The following LRRTM4 variants were observed in gnomAD, a reference collection of about 807,000 sequenced individuals.
The protein encoded by LRRTM4 is leucine-rich repeat transmembrane neuronal protein 4.
A neutral mutation model predicts 47.6 loss-of-function variants in LRRTM4; 25 were observed. The observed-to-expected ratio is 0.53, with a 90% confidence interval of 0.38 to 0.73. The LOEUF (loss-of-function observed/expected upper bound fraction) is 0.73. Ranked by LOEUF, LRRTM4 falls within the 30% of genes least tolerant of loss-of-function variation. The pLI, the probability that LRRTM4 is intolerant of heterozygous loss-of-function variation, is 0.00. For synonymous variants in LRRTM4, 311 were observed against 269.5 expected (o/e 1.15, Z -1.51); for missense variants, 638 against 713.4 (o/e 0.89, Z 1.20).
intron 3 of LRRTM4, among the ~76,000 whole-genome samples, chr2:77,253,822 GA>G (rs143203795): frequency 3.2e-4 from 49 of 151,930 alleles, no homozygotes; most frequent in African/African-American, 1.1e-3. Context: ...CTGAACAACA[GA>G]AAAAAATACC....
chr2:76,784,242 C>T (rs1375829722), intron 3 of LRRTM4, among the ~76,000 whole-genome samples: 4 of 151,894 alleles, frequency 2.6e-5, no homozygotes, highest in Non-Finnish European at 5.9e-5. Flanking sequence ...ATACATTATT[C>T]AGATAAATAA....
intron 3 of LRRTM4, among the ~76,000 whole-genome samples, chr2:76,922,297 T>A (rs985052462): frequency 5.3e-5 from 8 of 151,810 alleles, no homozygotes; most frequent in African/African-American, 1.9e-4. Flanking sequence ...TTACTGAGAG[T>A]CCTCAGGAAG....
At chr2:77,251,662 G>T (rs1271698963) in intron 3 of LRRTM4, among the ~76,000 whole-genome samples, 1 of 152,078 alleles carries the variant, frequency 6.6e-6, no homozygotes, top group African/African-American at 2.4e-5. Context: ...GATGAAGAGA[G>T]GTTATATAAT....
intron 3 of LRRTM4, among the ~76,000 whole-genome samples, chr2:77,341,451 C>T (rs912133698): frequency 6.6e-6 from 1 of 151,976 alleles, no homozygotes; most frequent in Non-Finnish European, 1.5e-5. Flanking sequence ...TAAGCCTTTC[C>T]TTACCATATC....
intron 3 of LRRTM4, among the ~76,000 whole-genome samples, chr2:76,790,956 C>T (rs535490261): frequency 6.6e-6 from 1 of 152,056 alleles, no homozygotes; most frequent in Non-Finnish European, 1.5e-5. Flanking sequence ...CCATATTTCA[C>T]TTTAAACATG....
chr2:76,836,937 C>T lies in LRRTM4; in HGVS notation c.1552-88021G>A, dbSNP rs1420749436. ...TATTTTCACAAAAATTTAGTTACTA[C>T]AGTTAATCAAAATAATTTATGATAT... On this transcript the variant is annotated intron_variant, in intron 3 of 3. Transcript: ENST00000409884. 4.6e-5 allele frequency among the ~76,000 whole-genome samples: 7 copies of T among 152,184 alleles called. No homozygotes were observed. The East Asian group carries it at 1.4e-3, about 29-fold the overall frequency.
At chr2:77,315,016 T>C (rs1203151118) in intron 3 of LRRTM4, among the ~76,000 whole-genome samples, 1 of 152,200 alleles carries the variant, frequency 6.6e-6, no homozygotes, top group Non-Finnish European at 1.5e-5. Flanking sequence ...GGCTAAGCTA[T>C]GAGGCTCAGT....
intron 3 of LRRTM4, among the ~76,000 whole-genome samples, chr2:76,795,633 A>T (rs922368465): frequency 6.6e-6 from 1 of 151,972 alleles, no homozygotes; most frequent in Non-Finnish European, 1.5e-5. Flanking sequence ...ATTGATGGAC[A>T]CAGGTTGACT....
In LRRTM4 at chr2:76,816,844, T is replaced by G. The variant is rs968058975; in HGVS notation, c.1552-67928A>C. 9.5e-4 allele frequency among the ~76,000 whole-genome samples: 132 copies of G among 138,756 alleles called. 5 individuals carry two copies. In the East Asian group the frequency reaches 0.018, roughly 19 times the overall value. 91.0% of individuals were successfully genotyped at this position (138,756 alleles called of 152,430 possible). ...GTTTTTTTTTTTTTTTTTTTTTTTT[T>G]TTTTTTTTTTTTTTTTTTGGTGCTT... On this transcript the variant is annotated intron_variant, in intron 3 of 3. Coordinates refer to ENST00000409884, the MANE Select transcript of LRRTM4 (RefSeq NM_001134745.3).
intron 3 of LRRTM4, among the ~76,000 whole-genome samples, chr2:77,156,356 A>G (rs376761616): frequency 2.0e-5 from 3 of 151,670 alleles, no homozygotes; most frequent in East Asian, 3.9e-4. Flanking sequence ...TCATATTTGA[A>G]AAACAGAATT....
intron 3 of LRRTM4, among the ~76,000 whole-genome samples, chr2:76,990,666 T>TAC (rs1241804140): frequency 6.6e-6 from 1 of 151,818 alleles, no homozygotes. Context: ...GGTCTAGACC[T>TAC]ACAAAAAGAC....
intron 3 of LRRTM4, among the ~76,000 whole-genome samples, chr2:76,771,525 A>G (rs1573073900): frequency 2.6e-5 from 4 of 152,170 alleles, no homozygotes; most frequent in Admixed American, 2.6e-4. Context: ...TTTTTTAAGT[A>G]GCTGCCTGGA....
At chr2:76,753,496 G>C (rs1014105829) in intron 3 of LRRTM4, among the ~76,000 whole-genome samples, 1 of 152,078 alleles carries the variant, frequency 6.6e-6, no homozygotes, top group Non-Finnish European at 1.5e-5. Context: ...TTTTGTGTAT[G>C]TTCTGGTTTT....
At chr2:77,407,931 G>A (rs897013878) in intron 3 of LRRTM4, among the ~76,000 whole-genome samples, 2 of 151,256 alleles carry the variant, frequency 1.3e-5, no homozygotes, top group African/African-American at 2.4e-5. Flanking sequence ...CCTGGCAACA[G>A]AGGAAACAAA....
intron 3 of LRRTM4, among the ~76,000 whole-genome samples, chr2:77,470,140 G>A (rs1195380128): frequency 1.3e-5 from 2 of 152,088 alleles, no homozygotes; most frequent in Non-Finnish European, 2.9e-5. Flanking sequence ...GGGCTGTAGG[G>A]AAAACCACTT....
chr2:76,940,357 G>A (rs1181494484), intron 3 of LRRTM4, among the ~76,000 whole-genome samples: 1 of 152,064 alleles, frequency 6.6e-6, no homozygotes, highest in Non-Finnish European at 1.5e-5. Flanking sequence ...AGAGCTAGAG[G>A]CCACTATACT....
At chr2:77,427,275 C>T (rs1485142964) in intron 3 of LRRTM4, among the ~76,000 whole-genome samples, 1 of 152,146 alleles carries the variant, frequency 6.6e-6, no homozygotes, top group Admixed American at 6.5e-5. Context: ...CCGCACCCGG[C>T]CTAGCTTTAT....
At chr2:77,025,797 T>A (rs888311391) in intron 3 of LRRTM4, among the ~76,000 whole-genome samples, 4 of 152,098 alleles carry the variant, frequency 2.6e-5, no homozygotes, top group Non-Finnish European at 5.9e-5. Context: ...GTTGTATAAT[T>A]TTTTTATCCT....
At chr2:77,029,684 G>A (rs1678582624) in intron 3 of LRRTM4, among the ~76,000 whole-genome samples, 1 of 152,168 alleles carries the variant, frequency 6.6e-6, no homozygotes. Context: ...ATAGGAAACA[G>A]AAATCTAATA....
Sources: gnomAD v4.1 joint callset for allele counts (sites outside exome capture counted in the v4.1 genomes callset) on GRCh38, gnomAD v4.1.1 for gene constraint, MANE v1.5 for transcripts, NCBI Gene and HGNC (gene_info 2026-07-23, HGNC 2026-07-21) for gene names.